TSPAN14: variants seen among roughly 807,000 people sequenced by gnomAD.
The protein encoded by TSPAN14 is tetraspanin-14.
Under a neutral mutation model 36.6 loss-of-function variants are expected in TSPAN14, and 16 were observed. That is an observed-to-expected ratio of 0.44 (90% CI 0.30 to 0.66). TSPAN14 has a LOEUF of 0.66. Among genes scored for constraint, TSPAN14 ranks in the 30% least tolerant of loss-of-function variants. The probability of loss-of-function intolerance (pLI) is 0.12; values close to 1 mark genes in which losing one functional copy is unlikely to be tolerated. For missense variants in TSPAN14, 231 were observed against 355.1 expected, an observed-to-expected ratio of 0.65 and a Z score of 2.81; for synonymous variants, 139 against 143.8, an observed-to-expected ratio of 0.97 and a Z score of 0.24.
At chr10:80,465,935 A>G (rs1289248584) in intron 1 of TSPAN14, among the ~76,000 whole-genome samples, 1 of 152,180 alleles carries the variant, frequency 6.6e-6, no homozygotes, top group African/African-American at 2.4e-5. Flanking sequence ...TTTGGGGTAC[A>G]ATTTCAGCTA....
intron 1 of TSPAN14, among the ~76,000 whole-genome samples, chr10:80,477,107 A>G (rs541766850): frequency 6.6e-6 from 1 of 152,208 alleles, no homozygotes; most frequent in African/African-American, 2.4e-5. Flanking sequence ...CAGATCCAGC[A>G]ACAGTGCATC....
At chr10:80,498,796 T>G (rs1848340420) in intron 2 of TSPAN14, among the ~76,000 whole-genome samples, 1 of 152,206 alleles carries the variant, frequency 6.6e-6, no homozygotes. Flanking sequence ...ACAACCTTCC[T>G]GTGACCTAGG....
chr10:80,497,687 C>A (rs1206700950), intron 2 of TSPAN14, among the ~76,000 whole-genome samples: 1 of 152,194 alleles, frequency 6.6e-6, no homozygotes, highest in South Asian at 2.1e-4. Context: ...CCTCCGCCTG[C>A]CTTCATTTCC....
At position 80,487,745 on chromosome 10, in the gene TSPAN14, G is replaced by C. The variant is rs112219815; in HGVS notation, c.-17-1472G>C. Among the ~76,000 whole-genome samples, 633 of 152,074 alleles carry C rather than the reference G, an allele frequency of 4.2e-3. 3 individuals are homozygous for C. Among genetic ancestry groups the C allele is most frequent in the Non-Finnish European group, 6.7e-3 (453 of 67,978 alleles). On this transcript the variant is annotated intron_variant, in intron 1 of 8. Transcript: ENST00000429989. ...TCTTGTGATGGTGGGGCGGTGGTAG[G>C]GGGGAGGTGGGGATAGGGCAGCTGG...
intron 1 of TSPAN14, among the ~76,000 whole-genome samples, chr10:80,483,951 A>G (rs1187770125): frequency 2.4e-5 from 3 of 125,222 alleles, no homozygotes; most frequent in Non-Finnish European, 3.3e-5. Context: ...AAAAAAAAAA[A>G]GTGTAAAATA....
intron 1 of TSPAN14, among the ~76,000 whole-genome samples, chr10:80,454,843 C>T (rs1248004791): frequency 1.3e-5 from 2 of 151,876 alleles, no homozygotes; most frequent in African/African-American, 4.8e-5. Context: ...AGATCGGGTC[C>T]GGGGTGGGGG....
At chr10:80,500,938 G>T (rs988190034) in intron 2 of TSPAN14, among the ~76,000 whole-genome samples, 2 of 152,194 alleles carry the variant, frequency 1.3e-5, no homozygotes, top group African/African-American at 4.8e-5. Context: ...GAGGTCGAGG[G>T]TCTTTTTTGA....
At chr10:80,465,641 G>A (rs917641191) in intron 1 of TSPAN14, among the ~76,000 whole-genome samples, 1 of 152,208 alleles carries the variant, frequency 6.6e-6, no homozygotes, top group Admixed American at 6.5e-5. Context: ...ACAGAGAGAG[G>A]TCTCACCTGT....
At chr10:80,468,213 G>T (rs1316894872) in intron 1 of TSPAN14, among the ~76,000 whole-genome samples, 1 of 152,098 alleles carries the variant, frequency 6.6e-6, no homozygotes, top group Admixed American at 6.5e-5. Context: ...AGGCCCCCCT[G>T]TGCCTGTTGC....
chr10:80,459,698 C>T (rs182098685), intron 1 of TSPAN14, among the ~76,000 whole-genome samples: 58 of 152,306 alleles, frequency 3.8e-4, no homozygotes, highest in Admixed American at 7.2e-4. Context: ...GTACACTGCA[C>T]GGCCTTGAGA....
At chr10:80,484,824 G>C (rs1271010779) in intron 1 of TSPAN14, among the ~76,000 whole-genome samples, 2 of 152,148 alleles carry the variant, frequency 1.3e-5, no homozygotes, top group Non-Finnish European at 2.9e-5. Flanking sequence ...TTGAAGGTGG[G>C]TAAAATGGAC....
At chr10:80,474,195 C>T (rs1037209668) in intron 1 of TSPAN14, among the ~76,000 whole-genome samples, 2 of 151,984 alleles carry the variant, frequency 1.3e-5, no homozygotes, top group African/African-American at 4.8e-5. Flanking sequence ...AGGTCAGAGG[C>T]CAGTTCTGGG....
At chr10:80,481,850 T>C (rs898590407) in intron 1 of TSPAN14, among the ~76,000 whole-genome samples, 2 of 151,848 alleles carry the variant, frequency 1.3e-5, no homozygotes, top group African/African-American at 4.8e-5. Context: ...GCCTCCTGGG[T>C]TCATGCCATT....
chr10:80,473,999 T>C (rs1846711424), intron 1 of TSPAN14, among the ~76,000 whole-genome samples: 2 of 152,112 alleles, frequency 1.3e-5, no homozygotes, highest in Admixed American at 6.5e-5. Flanking sequence ...TGCCCCCTCC[T>C]AGGCTTCTCT....
At chr10:80,485,359 G>C (rs1346406552) in intron 1 of TSPAN14, among the ~76,000 whole-genome samples, 1 of 152,144 alleles carries the variant, frequency 6.6e-6, no homozygotes, top group African/African-American at 2.4e-5. Context: ...TCAGATCTGG[G>C]TTCTAGTTTC....
chr10:80,516,374 A>G (rs759323934), intron 8 of TSPAN14, 51 bp downstream of exon 8: 4 of 1,612,346 alleles, frequency 2.5e-6, no homozygotes, highest in Non-Finnish European at 3.4e-6. Context: ...TTCATTTGAG[A>G]TTGGGCCCTT....
At chr10:80,502,354 C>T (rs978035644) in intron 2 of TSPAN14, among the ~76,000 whole-genome samples, 16 of 152,094 alleles carry the variant, frequency 1.1e-4, no homozygotes, top group Admixed American at 2.0e-4. Context: ...TGCAGAGTTT[C>T]GAGGAGGGGA....
At chr10:80,469,846 T>G (rs1846445490) in intron 1 of TSPAN14, among the ~76,000 whole-genome samples, 1 of 151,996 alleles carries the variant, frequency 6.6e-6, no homozygotes, top group Non-Finnish European at 1.5e-5. Context: ...TGTCCCACCC[T>G]AGACTCAGAA....
At chr10:80,517,235 GGAAAA>G (rs1300591252) in intron 8 of TSPAN14, among the ~76,000 whole-genome samples, 1 of 152,116 alleles carries the variant, frequency 6.6e-6, no homozygotes, top group East Asian at 1.9e-4. Context: ...GGAAGCAACT[GGAAAA>G]GGAAAGAAAA....
Sources: allele counts gnomAD v4.1 joint callset (sites outside exome capture counted in the v4.1 genomes callset), GRCh38; gene constraint gnomAD v4.1.1; transcripts MANE v1.5; gene names NCBI Gene and HGNC (gene_info 2026-07-23, HGNC 2026-07-21).